STIM1: variants seen among roughly 807,000 people sequenced by gnomAD.
The protein encoded by STIM1 is stromal interaction molecule 1.
Under a neutral mutation model 74.7 loss-of-function variants are expected in STIM1, and 25 were observed. The observed-to-expected ratio is 0.33, with a 90% confidence interval of 0.24 to 0.47. The LOEUF (loss-of-function observed/expected upper bound fraction) is 0.47, where lower values mean the gene tolerates loss of function less well. Ranked by LOEUF, STIM1 falls within the 20% of genes least tolerant of loss-of-function variation. The pLI, the probability that STIM1 is intolerant of heterozygous loss-of-function variation, is 1.00. For missense variants in STIM1, 728 were observed against 920.8 expected, an observed-to-expected ratio of 0.79 and a Z score of 2.71; for synonymous variants, 328 against 348.8, an observed-to-expected ratio of 0.94 and a Z score of 0.66.
intron 2 of STIM1, among the ~76,000 whole-genome samples, chr11:4,010,262 C>T (rs1313284775): frequency 6.7e-6 from 1 of 149,886 alleles, no homozygotes; most frequent in Non-Finnish European, 1.5e-5. Flanking sequence ...CCTCCGCCTT[C>T]CAGGTTTAAG....
chr11:3,981,856 A>C lies in STIM1; in HGVS notation c.270+14174A>C, dbSNP rs376354716. On this transcript the variant is annotated intron_variant, in intron 2 of 12. Transcript: ENST00000526596. ...TATAGGAGCACAAGTGAAGAAAAAA[A>C]GGAAAACACTGAGAATGCCCAAAGG... Among the ~76,000 whole-genome samples, 29 of 152,350 alleles carry C rather than the reference A, an allele frequency of 1.9e-4. No homozygotes were observed. In the East Asian group the frequency reaches 2.7e-3, roughly 14 times the overall value.
intron 1 of STIM1, 24 bp downstream of exon 1, chr11:3,856,433 C>G: frequency 6.2e-7 from 1 of 1,611,388 alleles, no homozygotes; most frequent in Non-Finnish European, 8.5e-7. Context: ...GCGGGCTGGA[C>G]TGGGCTGGAG....
chr11:3,916,746 C>T (rs2135503310), intron 1 of STIM1, among the ~76,000 whole-genome samples: 1 of 152,210 alleles, frequency 6.6e-6, no homozygotes, highest in Non-Finnish European at 1.5e-5. Context: ...GCCACTGCGC[C>T]CGGCCATTTT....
At position 4,055,653 on chromosome 11, in the gene STIM1, G is replaced by A. The variant is rs774370020; in HGVS notation, c.497+16G>A. 1 of 1,560,542 alleles carries A rather than the reference G, an allele frequency of 6.4e-7. No homozygotes were observed. Among genetic ancestry groups the A allele is most frequent in the Non-Finnish European group, 8.7e-7 (1 of 1,150,832 alleles). On this transcript the variant is annotated intron_variant, in intron 4 of 12. Coordinates refer to ENST00000526596, the MANE Select transcript of STIM1 (RefSeq NM_001382567.1). Reference sequence around the variant, plus strand: ...CCATGCCAAGGTCAGGAGGGGACTGGGTTTTTCTCTGTTGAGGGTACGGGG... The same window carrying A: ...CCATGCCAAGGTCAGGAGGGGACTGAGTTTTTCTCTGTTGAGGGTACGGGG...
intron 1 of STIM1, among the ~76,000 whole-genome samples, chr11:3,936,481 G>A (rs1417531104): frequency 3.3e-5 from 5 of 152,206 alleles, no homozygotes; most frequent in East Asian, 1.9e-4. Context: ...GCAGAACAAC[G>A]TGCCTTTTGC....
chr11:3,897,543 G>A (rs1261606361), intron 1 of STIM1, among the ~76,000 whole-genome samples: 2 of 151,668 alleles, frequency 1.3e-5, no homozygotes, highest in Admixed American at 6.6e-5. Flanking sequence ...TTAAGTTTTA[G>A]GGTACATGTG....
chr11:3,880,404 A>G (rs1326951537), intron 1 of STIM1, among the ~76,000 whole-genome samples: 2 of 152,138 alleles, frequency 1.3e-5, no homozygotes, highest in African/African-American at 4.8e-5. Flanking sequence ...CTGTTCCCAA[A>G]GTCTCCCGTC....
At chr11:4,085,485 C>T (rs909568873) in intron 11 of STIM1, among the ~76,000 whole-genome samples, 2 of 152,172 alleles carry the variant, frequency 1.3e-5, no homozygotes, top group African/African-American at 2.4e-5. Context: ...TCCAGGACCC[C>T]GATTTGCAGC....
At position 4,091,645 on chromosome 11, in the gene STIM1, C is replaced by CCT; in HGVS notation, c.1999_2000dup (p.Gln668CysfsTer112). ...CATCTCCAGTTGGGGACAGCCGAGC[C>CCT]CTGCAAGCCAGCCGAAACACACGCA... On this transcript the variant is annotated frameshift_variant, in exon 13 of 13. Transcript: ENST00000526596. LOFTEE classifies it high-confidence loss of function. 1 of 1,614,214 alleles carries CCT rather than the reference C, an allele frequency of 6.2e-7. No individual in the cohort carries two copies. Among genetic ancestry groups the CCT allele is most frequent in the Non-Finnish European group, 8.5e-7 (1 of 1,180,032 alleles).
At chr11:3,991,169 C>CT (rs1246143538) in intron 2 of STIM1, among the ~76,000 whole-genome samples, 38,270 of 124,208 alleles carry the variant, frequency 0.31, 6,587 homozygotes, top group East Asian at 0.47. Flanking sequence ...TCTTTCCTTT[C>CT]TTTTTTTTTT....
chr11:4,026,771 A>G (rs2094001157), intron 3 of STIM1, among the ~76,000 whole-genome samples: 1 of 152,240 alleles, frequency 6.6e-6, no homozygotes, highest in African/African-American at 2.4e-5. Context: ...GGTCCTGAAT[A>G]TGGCACTTTT....
intron 2 of STIM1, among the ~76,000 whole-genome samples, chr11:3,992,101 T>TTTTTTTTTTTG (rs2093621497): frequency 7.2e-6 from 1 of 139,102 alleles, no homozygotes; most frequent in African/African-American, 2.5e-5. Flanking sequence ...TTTTTTTTTT[T>TTTTTTTTTTTG]TTTTTTTTTT....
chr11:3,938,755 G>A (rs1184730399), intron 1 of STIM1, among the ~76,000 whole-genome samples: 1 of 152,196 alleles, frequency 6.6e-6, no homozygotes, highest in East Asian at 1.9e-4. Flanking sequence ...GCCGAGGCAG[G>A]AGAATTGCTT....
intron 7 of STIM1, among the ~76,000 whole-genome samples, chr11:4,077,187 A>T (rs2094442218): frequency 6.6e-6 from 1 of 151,784 alleles, no homozygotes; most frequent in African/African-American, 2.4e-5. Flanking sequence ...TGAAGTATTG[A>T]CCTAAAGCAG....
rs552833169 is a variant in STIM1, at chr11:4,078,788, C to T, written c.970-3396C>T. Among the ~76,000 whole-genome samples the T allele has an allele frequency of 2.9e-3, 447 of 151,736 alleles. 2 individuals are homozygous for T. Among genetic ancestry groups the T allele is most frequent in the Non-Finnish European group, 4.2e-3 (284 of 67,896 alleles). ...GTTTCACCATGTTGGTCAGGCTGGTCTCGAACTCCTGACCTCAGGTGAGCC... is the reference window on the plus strand; with the variant it reads ...GTTTCACCATGTTGGTCAGGCTGGTTTCGAACTCCTGACCTCAGGTGAGCC... On this transcript the variant is annotated intron_variant, in intron 7 of 12. Transcript: ENST00000526596.
intron 4 of STIM1, chr11:4,059,051 G>A: frequency 1.1e-6 from 1 of 900,512 alleles, no homozygotes; most frequent in Non-Finnish European, 1.6e-6. Context: ...AGGATAGGGT[G>A]CTTAGAAGTT....
chr11:3,858,480 A>G (rs2090473063), intron 1 of STIM1, among the ~76,000 whole-genome samples: 1 of 152,204 alleles, frequency 6.6e-6, no homozygotes, highest in Non-Finnish European at 1.5e-5. Context: ...GTGAATGCCT[A>G]AGGTTTGTGG....
rs533774313 is a variant in STIM1 at position 3,886,443 on chromosome 11, C to G, written c.139+30034C>G. On this transcript the variant is annotated intron_variant, in intron 1 of 12. Transcript: ENST00000526596. Reference sequence around the variant, plus strand: ...GTGGCTCACGCCTGTCATCCCAGCACTTTGGGAGGCCAAGGCAGGCAGATC... The same window carrying G: ...GTGGCTCACGCCTGTCATCCCAGCAGTTTGGGAGGCCAAGGCAGGCAGATC... 1.8e-4 allele frequency among the ~76,000 whole-genome samples: 27 copies of G among 152,252 alleles called. 1 individual carries two copies. The highest frequency in any genetic ancestry group is 6.5e-4 in the African/African-American group (27 of 41,552).
chr11:4,069,025 T>G (rs562303910), intron 5 of STIM1, among the ~76,000 whole-genome samples: 3 of 152,200 alleles, frequency 2.0e-5, no homozygotes, highest in Non-Finnish European at 4.4e-5. Flanking sequence ...ACTCCCTTTT[T>G]TCCCTCTTTC....
Sources: allele counts gnomAD v4.1 joint callset (sites outside exome capture counted in the v4.1 genomes callset), GRCh38; gene constraint gnomAD v4.1.1; transcripts MANE v1.5; gene names NCBI Gene and HGNC (gene_info 2026-07-23, HGNC 2026-07-21).